The following ARFGEF1 variants were observed in gnomAD, a reference collection of about 807,000 sequenced individuals.
ARFGEF1 encodes ARF guanine nucleotide exchange factor 1, also known as brefeldin A-inhibited guanine nucleotide-exchange protein 1.
Under a neutral mutation model 231.0 loss-of-function variants are expected in ARFGEF1, and 42 were observed. The ratio of observed to expected loss-of-function variants is 0.18; its 90% CI spans 0.14 to 0.24. The LOEUF (loss-of-function observed/expected upper bound fraction) is 0.24, where lower values mean the gene tolerates loss of function less well. ARFGEF1 is among the 10% of genes least tolerant of loss of function. The pLI is 1.00. For synonymous variants in ARFGEF1, 710 were observed against 732.3 expected, an observed-to-expected ratio of 0.97 and a Z score of 0.49; for missense variants, 1,345 against 2,192.0, an observed-to-expected ratio of 0.61 and a Z score of 7.72.
In ARFGEF1 at chr8:67,304,551, G is replaced by A. The variant is rs569595846; in HGVS notation, c.125-2085C>T. Among the ~76,000 whole-genome samples the A allele has an allele frequency of 5.3e-4, 80 of 152,342 alleles. 1 individual carries two copies. Among genetic ancestry groups the A allele is most frequent in the South Asian group, 2.9e-3 (14 of 4,832 alleles). On this transcript the variant is annotated intron_variant, in intron 1 of 38. Coordinates refer to ENST00000262215, the MANE Select transcript of ARFGEF1 (RefSeq NM_006421.5). ...ACTTGAAAATATATGTGTGGGCTGG[G>A]CGCAGTGGCTCACACCTATAATCCC...
chr8:67,307,017 G>C (rs923283002), intron 1 of ARFGEF1, among the ~76,000 whole-genome samples: 2 of 152,190 alleles, frequency 1.3e-5, no homozygotes, highest in African/African-American at 2.4e-5. Flanking sequence ...GACCACAGGT[G>C]ATCCACCTGC....
chr8:67,265,113 T>C (rs889613003), intron 14 of ARFGEF1, among the ~76,000 whole-genome samples: 2 of 152,168 alleles, frequency 1.3e-5, no homozygotes, highest in African/African-American at 4.8e-5. Context: ...TTAATAAATA[T>C]TGACTGAACA....
rs749458839 is a variant in ARFGEF1 at position 67,258,064 on chromosome 8, G to A, written c.2441+21C>T. The A allele has an allele frequency of 2.3e-5, 36 of 1,585,196 alleles. No homozygotes were observed. In the Admixed American group the frequency reaches 3.0e-4, roughly 13 times the overall value. On this transcript the variant is annotated intron_variant, in intron 16 of 38. Coordinates refer to ENST00000262215, the MANE Select transcript of ARFGEF1 (RefSeq NM_006421.5). ...GGTTTGGATATAACAGACAATCAATGAGCATTTGAACCTTATTTACCCTTG... is the reference window on the plus strand; with the variant it reads ...GGTTTGGATATAACAGACAATCAATAAGCATTTGAACCTTATTTACCCTTG...
chr8:67,335,698 A>G (rs2128936298), intron 1 of ARFGEF1, among the ~76,000 whole-genome samples: 1 of 152,212 alleles, frequency 6.6e-6, no homozygotes, highest in African/African-American at 2.4e-5. Context: ...ATAGCCTCAC[A>G]TGGCGTTTCC....
In ARFGEF1 at chr8:67,267,417, T is replaced by C; in HGVS notation, c.1598A>G (p.Tyr533Cys). The C allele has an allele frequency of 1.2e-6, 2 of 1,609,514 alleles. No individual in the cohort carries two copies. The highest frequency in any genetic ancestry group is 1.7e-6 in the Non-Finnish European group (2 of 1,177,720). ...IEVFFKEIFL[Y>C]ILETSTSSFD... ...TGAGCTGGTAGAAGTTTCCAAAATGTATAAGAAAATTTCTTTAAAGAACAC... is the reference window on the plus strand; with the variant it reads ...TGAGCTGGTAGAAGTTTCCAAAATGCATAAGAAAATTTCTTTAAAGAACAC... The change falls in exon 11 of 39, where the codon TAC (tyrosine) becomes TGC (cysteine). Residue 533 changes from tyrosine (Y) to cysteine (C), a missense_variant. Tyr to Cys is a radical substitution (Grantham distance 194). This residue lies in a region of ARFGEF1 where 141 missense variants were observed against 259.9 expected (regional missense o/e 0.54). Transcript: ENST00000262215.
intron 20 of ARFGEF1, among the ~76,000 whole-genome samples, chr8:67,239,125 GCCTCC>G (rs1380104031): frequency 4.6e-5 from 7 of 151,964 alleles, no homozygotes; most frequent in African/African-American, 1.7e-4. Flanking sequence ...TTCTGCCTCA[GCCTCC>G]CGAGTAGCTG....
chr8:67,217,857 T>C lies in ARFGEF1; in HGVS notation c.4538A>G (p.Glu1513Gly). 6.2e-7 allele frequency: 1 copy of C among 1,614,118 alleles called. No homozygotes were observed. The highest frequency in any genetic ancestry group is 2.2e-5 in the East Asian group (1 of 44,866). The part of the protein sequence containing the change: ...CLENVVILNG[E>G]KFTLEIWDKT... ...ATCCCAGATTTCTAGGGTAAATTTT[T>C]CACCATTCAGAATAACAACATTCTC... Residue 1513 changes from glutamate (E) to glycine (G), a missense_variant, in exon 32 of 39, where the codon GAA (glutamate) becomes GGA (glycine). Coordinates refer to ENST00000262215, the MANE Select transcript of ARFGEF1 (RefSeq NM_006421.5).
At position 67,320,910 on chromosome 8, in the gene ARFGEF1, C is replaced by T. The variant is rs183117121; in HGVS notation, c.125-18444G>A. ...CAGGAAGAGGTTGCAATAAGCAGAT[C>T]GCACCACCGCACTTCAGCCTGGGCA... On this transcript the variant is annotated intron_variant, in intron 1 of 38. Coordinates refer to ENST00000262215, the MANE Select transcript of ARFGEF1 (RefSeq NM_006421.5). Among the ~76,000 whole-genome samples, 3 of 151,982 alleles carry T rather than the reference C, an allele frequency of 2.0e-5. No individual in the cohort carries two copies. In the East Asian group the frequency reaches 5.8e-4, roughly 29 times the overall value.
chr8:67,252,282 C>CAAAAAAAAA (rs57653248), intron 18 of ARFGEF1, among the ~76,000 whole-genome samples: 1 of 21,872 alleles, frequency 4.6e-5, no homozygotes. Context: ...AACTCCATCT[C>CAAAAAAAAA]AAAAAAAAAA....
Position 67,299,966 on chromosome 8 carries a change from C to CA in ARFGEF1, c.313-612dup, listed in dbSNP as rs531164850. Among the ~76,000 whole-genome samples, 465 of 141,924 alleles carry CA rather than the reference C, an allele frequency of 3.3e-3. 1 individual carries two copies. The highest frequency in any genetic ancestry group is 0.011 in the African/African-American group (411 of 38,346). The allele number at this position is 141,924 out of a possible 152,430, so 93.1% of individuals were successfully genotyped here. ...CGTAGGTGACAGTGAGACCTTGTCA[C>CA]AAAAAAAAACAAAAAAAAAATTGCT... On this transcript the variant is annotated intron_variant, in intron 3 of 38. Transcript: ENST00000262215.
At chr8:67,257,488 A>C (rs992386092) in intron 17 of ARFGEF1, among the ~76,000 whole-genome samples, 6 of 152,208 alleles carry the variant, frequency 3.9e-5, no homozygotes, top group African/African-American at 7.2e-5. Flanking sequence ...ATTTATCTTA[A>C]GCTTTATACA....
At chr8:67,277,041 A>C (rs1372219802) in intron 8 of ARFGEF1, among the ~76,000 whole-genome samples, 1 of 152,156 alleles carries the variant, frequency 6.6e-6, no homozygotes, top group African/African-American at 2.4e-5. Flanking sequence ...GGTGTGGAGA[A>C]GATGTAAACA....
chr8:67,181,518 T>C lies in ARFGEF1; in HGVS notation c.561-5946A>G, dbSNP rs142531370. On this transcript the variant is annotated intron_variant, in intron 5 of 5. Coordinates refer to the ARFGEF1 transcript ENST00000518789. ...CCACTCAAGATGGTGTGTTGGAGTA[T>C]TGCATGACACTAGAGCAAAGATACA... Among the ~76,000 whole-genome samples, 14 of 152,122 alleles carry C rather than the reference T, an allele frequency of 9.2e-5. No individual in the cohort carries two copies. In the East Asian group the frequency reaches 2.7e-3, roughly 29 times the overall value.
intron 38 of ARFGEF1, chr8:67,199,381 A>C (rs1342547396): frequency 3.5e-6 from 1 of 285,212 alleles, no homozygotes. Flanking sequence ...AATAAGCAGC[A>C]GGCAAGTGAG....
At chr8:67,326,217 A>G (rs2128930241) in intron 1 of ARFGEF1, among the ~76,000 whole-genome samples, 2 of 152,256 alleles carry the variant, frequency 1.3e-5, no homozygotes, top group Non-Finnish European at 2.9e-5. Flanking sequence ...AAAAAGAAAT[A>G]AAAGAAAAAG....
intron 1 of ARFGEF1, among the ~76,000 whole-genome samples, chr8:67,317,532 T>C (rs1011607455): frequency 2.7e-5 from 4 of 148,156 alleles, no homozygotes; most frequent in Admixed American, 1.4e-4. Flanking sequence ...AAATACTAAC[T>C]AGAATCCAGC....
At chr8:67,210,284 C>G (rs1353584101) in intron 34 of ARFGEF1, among the ~76,000 whole-genome samples, 1 of 151,348 alleles carries the variant, frequency 6.6e-6, no homozygotes, top group African/African-American at 2.4e-5. Flanking sequence ...TCAAGATCAG[C>G]CTGGGCAACA....
At position 67,288,084 on chromosome 8, in the gene ARFGEF1, T is replaced by C; in HGVS notation, c.917-19A>G. Reference sequence around the variant, plus strand: ...GATAATGCTTTAAAAGAAGAAAAATTCAACAGAACATTATTTTAACTTTTT... The same window carrying C: ...GATAATGCTTTAAAAGAAGAAAAATCCAACAGAACATTATTTTAACTTTTT... On this transcript the variant is annotated intron_variant, in intron 6 of 38. Transcript: ENST00000262215. 1 of 1,512,240 alleles carries C rather than the reference T, an allele frequency of 6.6e-7. No individual in the cohort carries two copies. The highest frequency in any genetic ancestry group is 9.0e-7 in the Non-Finnish European group (1 of 1,112,498). 93.7% of individuals were successfully genotyped at this position (1,512,240 alleles called of 1,614,324 possible).
chr8:67,234,342 T>C (rs909658192), intron 22 of ARFGEF1, among the ~76,000 whole-genome samples: 1 of 152,114 alleles, frequency 6.6e-6, no homozygotes, highest in Admixed American at 6.6e-5. Context: ...CTACATAGAA[T>C]AAAAGTTTGC....
Sources: allele counts gnomAD v4.1 joint callset (sites outside exome capture counted in the v4.1 genomes callset), GRCh38; gene constraint gnomAD v4.1.1; regional missense constraint gnomAD v4.1.1; transcripts MANE v1.5; gene names NCBI Gene and HGNC (gene_info 2026-07-23, HGNC 2026-07-21).